PDE11A: variants seen among roughly 807,000 people sequenced by gnomAD.
PDE11A encodes the protein dual 3',5'-cyclic-AMP and -GMP phosphodiesterase 11A.
A neutral mutation model predicts 100.5 loss-of-function variants in PDE11A; 100 were observed. The ratio of observed to expected loss-of-function variants is 1.00; its 90% CI spans 0.85 to 1.18. The LOEUF is 1.18. PDE11A is among the 50% of genes most tolerant of loss of function. PDE11A has a pLI of 0.00. For missense variants in PDE11A, 1,141 were observed against 1,152.6 expected (o/e 0.99, Z 0.15); for synonymous variants, 381 against 420.8 (o/e 0.91, Z 1.16).
At chr2:178,084,914 C>T (rs1395343318) in intron 2 of PDE11A, among the ~76,000 whole-genome samples, 1 of 152,152 alleles carries the variant, frequency 6.6e-6, no homozygotes, top group African/African-American at 2.4e-5. Flanking sequence ...AATGTGAGCA[C>T]CCATTATGTA....
In PDE11A at chr2:178,014,471, G is replaced by C; in HGVS notation, c.913-11C>G. On this transcript the variant is annotated splice_polypyrimidine_tract_variant and intron_variant, in intron 1 of 19. Transcript: ENST00000286063. ...ATTGAATCGTCGATCCTAAAAATAAGACAAAGAAAGCATTAACTGCATGTG... is the reference window on the plus strand; with the variant it reads ...ATTGAATCGTCGATCCTAAAAATAACACAAAGAAAGCATTAACTGCATGTG... The C allele has an allele frequency of 6.2e-7, 1 of 1,609,238 alleles. No homozygotes were observed.
intron 10 of PDE11A, among the ~76,000 whole-genome samples, chr2:177,762,246 G>A (rs2082180613): frequency 6.6e-6 from 1 of 152,144 alleles, no homozygotes; most frequent in African/African-American, 2.4e-5. Flanking sequence ...ACAGCCAGGA[G>A]GTCGTAGCTC....
In PDE11A at chr2:177,761,037, TA is replaced by T. The variant is rs570450958; in HGVS notation, c.1788+8285del. Reference sequence around the variant, plus strand: ...GTTTTGAAGGTCAAAAAAATAGGTTTAAAAAAATTTAGTCAGCAGGGTGGTG... The same window carrying T: ...GTTTTGAAGGTCAAAAAAATAGGTTTAAAAAATTTAGTCAGCAGGGTGGTG... On this transcript the variant is annotated intron_variant, in intron 10 of 19. Coordinates refer to ENST00000286063, the MANE Select transcript of PDE11A (RefSeq NM_016953.4). Among the ~76,000 whole-genome samples the T allele has an allele frequency of 3.0e-4, 45 of 152,272 alleles. No individual in the cohort carries two copies. The East Asian group carries it at 7.9e-3, about 27-fold the overall frequency.
chr2:177,903,141 C>T (rs754838011), intron 3 of PDE11A, among the ~76,000 whole-genome samples: 3 of 152,108 alleles, frequency 2.0e-5, no homozygotes, highest in Non-Finnish European at 4.4e-5. Flanking sequence ...TTTCTCTCTG[C>T]TCTCTAAACA....
At chr2:177,727,114 C>A (rs778316803) in intron 12 of PDE11A, among the ~76,000 whole-genome samples, 53 of 152,096 alleles carry the variant, frequency 3.5e-4, no homozygotes, top group Non-Finnish European at 4.4e-4. Flanking sequence ...AGACTGGCCA[C>A]CATCACTGGG....
chr2:177,625,129 G>C lies in PDE11A; in HGVS notation c.*4278C>G, dbSNP rs2079813957. 1 of 152,586 alleles carries C rather than the reference G, an allele frequency of 6.6e-6. No homozygotes were observed. Among genetic ancestry groups the C allele is most frequent in the African/African-American group, 2.4e-5 (1 of 41,424 alleles). 9.5% of individuals were successfully genotyped at this position (152,586 alleles called of 1,614,324 possible). A position where few individuals can be genotyped will look rare whatever the true frequency, so the allele number is the denominator to read the frequency against. On this transcript the variant is annotated 3_prime_UTR_variant, in exon 20 of 20. Transcript: ENST00000286063. The stretch of plus-strand genomic sequence containing the variant: ...ATGACTACATCTTTCATCATAATTA[G>C]AGACAGGCTCAAGATACATCTGTAG...
intron 1 of PDE11A, among the ~76,000 whole-genome samples, chr2:178,065,636 C>T (rs757366859): frequency 1.3e-5 from 2 of 152,018 alleles, no homozygotes; most frequent in African/African-American, 2.4e-5. Flanking sequence ...AACATGTTTG[C>T]GCGCTTGGGG....
intron 2 of PDE11A, among the ~76,000 whole-genome samples, chr2:177,994,704 G>A (rs2086048588): frequency 6.6e-6 from 1 of 152,190 alleles, no homozygotes; most frequent in African/African-American, 2.4e-5. Flanking sequence ...AGACAAGAAT[G>A]TAAGAAGCAG....
chr2:177,933,145 GAAC>G (rs2085229729), intron 2 of PDE11A, among the ~76,000 whole-genome samples: 1 of 151,478 alleles, frequency 6.6e-6, no homozygotes. Context: ...TTTACAAGAA[GAAC>G]TACAAAACAC....
intron 2 of PDE11A, among the ~76,000 whole-genome samples, chr2:178,006,632 G>T (rs1372379199): frequency 2.0e-5 from 3 of 151,918 alleles, no homozygotes; most frequent in Non-Finnish European, 4.4e-5. Flanking sequence ...GGTTGTTGTT[G>T]TTTTTTTAAG....
intron 15 of PDE11A, among the ~76,000 whole-genome samples, chr2:177,681,858 C>G (rs1383439703): frequency 6.6e-6 from 1 of 152,172 alleles, no homozygotes; most frequent in Non-Finnish European, 1.5e-5. Context: ...ACATGACAGA[C>G]AGCAGGCCCT....
chr2:177,877,974 A>T (rs1373261698), intron 4 of PDE11A, among the ~76,000 whole-genome samples: 1 of 147,612 alleles, frequency 6.8e-6, no homozygotes, highest in Non-Finnish European at 1.5e-5. Flanking sequence ...TGAGAAAATG[A>T]TTTGGAAAAT....
At chr2:177,944,862 G>A (rs897280756) in intron 2 of PDE11A, among the ~76,000 whole-genome samples, 1 of 105,142 alleles carries the variant, frequency 9.5e-6, no homozygotes, top group Admixed American at 1.3e-4. Flanking sequence ...CTCTCCCCAC[G>A]GTCTCCCTCT....
chr2:177,657,243 TG>T (rs1391411179), intron 19 of PDE11A, among the ~76,000 whole-genome samples: 1 of 152,216 alleles, frequency 6.6e-6, no homozygotes, highest in Admixed American at 6.5e-5. Context: ...CACTCAGATT[TG>T]GGTACATTAT....
At chr2:177,790,194 T>C (rs1190362623) in intron 9 of PDE11A, among the ~76,000 whole-genome samples, 5 of 147,180 alleles carry the variant, frequency 3.4e-5, no homozygotes, top group Non-Finnish European at 6.0e-5. Context: ...AACAGAGATA[T>C]AGATCAATGG....
intron 1 of PDE11A, among the ~76,000 whole-genome samples, chr2:178,041,983 G>A (rs2086688367): frequency 6.6e-6 from 1 of 152,152 alleles, no homozygotes; most frequent in South Asian, 2.1e-4. Context: ...CACAGAAAAG[G>A]TTTTTGCTTT....
chr2:177,997,965 G>A (rs1328674182), intron 2 of PDE11A: 1 of 1,206,708 alleles, frequency 8.3e-7, no homozygotes, highest in Admixed American at 1.7e-5. Context: ...AGATACCAAG[G>A]TTAGGGAGAA....
intron 9 of PDE11A, among the ~76,000 whole-genome samples, chr2:177,791,572 A>G (rs905968321): frequency 6.6e-6 from 1 of 152,040 alleles, no homozygotes; most frequent in Non-Finnish European, 1.5e-5. Context: ...AAGTCAGAGC[A>G]AATGAGTCCA....
At position 177,650,192 on chromosome 2, in the gene PDE11A, T is replaced by C. The variant is rs112440111; in HGVS notation, c.2646+13674A>G. 9.9e-4 allele frequency among the ~76,000 whole-genome samples: 151 copies of C among 152,326 alleles called. 3 individuals carry two copies. The highest frequency in any genetic ancestry group is 3.6e-3 in the African/African-American group (148 of 41,570). On this transcript the variant is annotated intron_variant, in intron 19 of 19. Transcript: ENST00000286063. The stretch of plus-strand genomic sequence containing the variant: ...CCTCTGAAAAGCGATCGATGTCTCC[T>C]GCCTGGCCATTAAATAGATTTTGAA...
Sources: gnomAD v4.1 joint callset for allele counts (sites outside exome capture counted in the v4.1 genomes callset) on GRCh38, gnomAD v4.1.1 for gene constraint, MANE v1.5 for transcripts, NCBI Gene and HGNC (gene_info 2026-07-23, HGNC 2026-07-21) for gene names.